Variants in KCNAB2 observed in about 807,000 individuals in gnomAD.
KCNAB2 encodes the protein potassium voltage-gated channel subfamily A regulatory beta subunit 2.
A neutral mutation model predicts 63.6 loss-of-function variants in KCNAB2; 29 were observed. That is an observed-to-expected ratio of 0.46 (90% CI 0.34 to 0.62). The LOEUF (loss-of-function observed/expected upper bound fraction) is 0.62, where lower values mean the gene tolerates loss of function less well. KCNAB2 is among the 20% of genes least tolerant of loss of function. The pLI is 0.01. For missense variants in KCNAB2, 359 were observed against 563.9 expected (o/e 0.64, Z 3.68); for synonymous variants, 222 against 224.2 (o/e 0.99, Z 0.09).
intron 1 of KCNAB2, among the ~76,000 whole-genome samples, chr1:5,996,462 C>T (rs1570805190): frequency 6.6e-6 from 1 of 152,224 alleles, no homozygotes. Context: ...TGCTGGCCAG[C>T]GTCTCAGGAG....
chr1:5,993,007 C>G lies in KCNAB2; in HGVS notation c.-53+219C>G, dbSNP rs566323281. ...TCTCCCTTCCCCCATCCCTTTCTGTCTTTCCTTCCCTGTCCTCCCGCCCGC... is the reference window on the plus strand; with the variant it reads ...TCTCCCTTCCCCCATCCCTTTCTGTGTTTCCTTCCCTGTCCTCCCGCCCGC... On this transcript the variant is annotated intron_variant, in intron 1 of 16. Coordinates refer to the KCNAB2 transcript ENST00000341524. 1.9e-4 allele frequency among the ~76,000 whole-genome samples: 29 copies of G among 151,992 alleles called. No homozygotes were observed. In the South Asian group the frequency reaches 5.8e-3, roughly 31 times the overall value.
rs11810700 is a variant in KCNAB2 at position 6,054,561 on chromosome 1, C to T, written c.218+2807C>T. ...AGGAGAATCACTTGAACCTGGGAGGCGGAGGTTGCAGTGAGCCAAGATGGA... is the reference window on the plus strand; with the variant it reads ...AGGAGAATCACTTGAACCTGGGAGGTGGAGGTTGCAGTGAGCCAAGATGGA... On this transcript the variant is annotated intron_variant, in intron 2 of 15. Coordinates refer to ENST00000378083, the MANE Select transcript of KCNAB2 (RefSeq NM_001199862.2). Among the ~76,000 whole-genome samples, 782 of 152,186 alleles carry T rather than the reference C, an allele frequency of 5.1e-3. 2 individuals carry two copies. Among genetic ancestry groups the T allele is most frequent in the African/African-American group, 0.018 (742 of 41,514 alleles).
Position 6,098,582 on chromosome 1 carries a change from C to G in KCNAB2, c.*8C>G, listed in dbSNP as rs1172853570. On this transcript the variant is annotated 3_prime_UTR_variant, in exon 16 of 16. Transcript: ENST00000378083. The stretch of plus-strand genomic sequence containing the variant: ...AAGGACTACAGATCCTAAGCCGCCC[C>G]CGCCCGCCTGCTCGGACAGTTTCCG... 2 of 1,613,150 alleles carry G rather than the reference C, an allele frequency of 1.2e-6. No individual in the cohort carries two copies. Among genetic ancestry groups the G allele is most frequent in the Non-Finnish European group, 1.7e-6 (2 of 1,179,680 alleles).
At position 6,099,604 on chromosome 1, in the gene KCNAB2, C is replaced by T. The variant is rs1665899218; in HGVS notation, c.*1030C>T. ...TCTAAAGCCGCCCGCCAGCCCAGGC[C>T]GCTGCTCTGCACCGAGCTGGTGGGC... On this transcript the variant is annotated 3_prime_UTR_variant, in exon 16 of 16. Coordinates refer to ENST00000378083, the MANE Select transcript of KCNAB2 (RefSeq NM_001199862.2). The T allele has an allele frequency of 4.4e-6, 3 of 680,930 alleles. No homozygotes were observed. Among genetic ancestry groups the T allele is most frequent in the Non-Finnish European group, 6.8e-6 (3 of 441,920 alleles). 42.2% of individuals were successfully genotyped at this position (680,930 alleles called of 1,614,324 possible).
In KCNAB2 at chr1:6,078,238, C is replaced by T. The variant is rs746247510; in HGVS notation, c.301-3957C>T. Among the ~76,000 whole-genome samples, 18 of 152,334 alleles carry T rather than the reference C, an allele frequency of 1.2e-4. No homozygotes were observed. The highest frequency in any genetic ancestry group is 3.4e-3 in the Middle Eastern group (1 of 294). ...CTGTCAGTCAAGTCTCCGTCTGTCT[C>T]GTCCTCATAAGGTCACCTGTGATGG... On this transcript the variant is annotated intron_variant, in intron 4 of 15. Coordinates refer to ENST00000378083, the MANE Select transcript of KCNAB2 (RefSeq NM_001199862.2). The surrounding 1 kb of genome is among the most constrained non-coding windows in gnomAD (Gnocchi z 4.2).
exon 1 of KCNAB2, chr1:6,034,452 CTG>C (rs1486744791): frequency 6.6e-6 from 1 of 152,368 alleles, no homozygotes; most frequent in East Asian, 1.9e-4. Flanking sequence ...CAGTTCCCGT[CTG>C]TGGCTGCAGG....
intron 2 of KCNAB2, 148 bp downstream of exon 2, chr1:6,051,902 G>A (rs1436210990): frequency 8.1e-5 from 76 of 941,904 alleles, no homozygotes; most frequent in Non-Finnish European, 9.1e-5. Flanking sequence ...TCAGGAGCTC[G>A]AGACCAGCCT....
chr1:6,073,688 G>C lies in KCNAB2; in HGVS notation c.263-45G>C. ...GTCTGAGCACCGACGGGATAATCTG[G>C]CTTCCTGCCAGGTTCCTAACTTGAG... On this transcript the variant is annotated intron_variant, in intron 3 of 15. Transcript: ENST00000378083. The surrounding 1 kb of genome is among the most constrained non-coding windows in gnomAD (Gnocchi z 5.7). 1 of 1,605,008 alleles carries C rather than the reference G, an allele frequency of 6.2e-7. No individual in the cohort carries two copies. Among genetic ancestry groups the C allele is most frequent in the Non-Finnish European group, 8.5e-7 (1 of 1,171,732 alleles).
intron 2 of KCNAB2, among the ~76,000 whole-genome samples, chr1:6,059,260 A>G (rs190075347): frequency 0.018 from 2,703 of 152,216 alleles, 77 homozygotes; most frequent in Admixed American, 0.086. Flanking sequence ...GTGCAATCAT[A>G]GCTCACTGCA....
upstream of KCNAB2, among the ~76,000 whole-genome samples, chr1:6,044,509 C>T (rs914941128): frequency 6.6e-6 from 1 of 152,122 alleles, no homozygotes; most frequent in African/African-American, 2.4e-5. Context: ...GCACAGAGAA[C>T]AGGAAGTGAC....
chr1:6,087,350 G>C lies in KCNAB2; in HGVS notation c.426-117G>C. On this transcript the variant is annotated intron_variant, in intron 6 of 15. Transcript: ENST00000378083. This position sits in a 1 kb window ranked among gnomAD's most constrained non-coding sequence, Gnocchi z 6.4. ...GAGAAGTGCCCATTTCATGCCCCAG[G>C]CTCCTGGGTGGGAGGGCTTTCAGGA... is the stretch of plus-strand genomic sequence containing the variant. The C allele has an allele frequency of 9.0e-7, 1 of 1,114,624 alleles. No individual in the cohort carries two copies. The highest frequency in any genetic ancestry group is 1.4e-6 in the Non-Finnish European group (1 of 729,002). The allele number at this position is 1,114,624 out of a possible 1,614,324, so 69.0% of individuals were successfully genotyped here.
At position 5,994,414 on chromosome 1, in the gene KCNAB2, T is replaced by C. The variant is rs984221970; in HGVS notation, c.-53+1626T>C. On this transcript the variant is annotated intron_variant, in intron 1 of 16. Coordinates refer to the KCNAB2 transcript ENST00000341524. The surrounding 1 kb of genome is among the most constrained non-coding windows in gnomAD (Gnocchi z 5.4). ...CTAAGAGTGCACTTGGTCCTCCAGG[T>C]CCTGTCATTGTCTCCACGGCCACAC... 4.6e-5 allele frequency among the ~76,000 whole-genome samples: 7 copies of C among 152,248 alleles called. No individual in the cohort carries two copies. The highest frequency in any genetic ancestry group is 1.7e-4 in the African/African-American group (7 of 41,464).
At chr1:6,075,277 C>T (rs1450920221) in intron 4 of KCNAB2, among the ~76,000 whole-genome samples, 6 of 152,204 alleles carry the variant, frequency 3.9e-5, no homozygotes, top group African/African-American at 1.4e-4. Flanking sequence ...TAAAAACAAG[C>T]AGACAGACTA....
In KCNAB2 at chr1:6,009,291, G is replaced by A. The variant is rs368919663; in HGVS notation, c.-53+16503G>A. On this transcript the variant is annotated intron_variant, in intron 1 of 16. Coordinates refer to the KCNAB2 transcript ENST00000341524. ...GGTATGCCCATGGGGGCATCCACCT[G>A]TGCAGAGTGTGGCCTCTCCCCAGCA... is the stretch of plus-strand genomic sequence containing the variant. 1.4e-4 allele frequency among the ~76,000 whole-genome samples: 21 copies of A among 152,364 alleles called. No individual in the cohort carries two copies. The South Asian group carries it at 3.5e-3, about 26-fold the overall frequency.
At chr1:6,098,022 C>A (rs1372104798) in intron 15 of KCNAB2, 2 of 235,996 alleles carry the variant, frequency 8.5e-6, no homozygotes, top group Admixed American at 6.1e-5. Flanking sequence ...GTGGTTGGAT[C>A]CTGGATGTTT....
Position 6,005,420 on chromosome 1 carries a change from AGTTGTGGGTTGTGTG to A in KCNAB2, c.-53+12633_-53+12647del, listed in dbSNP as rs1557922505. On this transcript the variant is annotated intron_variant, in intron 1 of 16. Transcript: ENST00000341524. ...GAGCTGAGCTGAGGGGTGGGGGTGGAGTTGTGGGTTGTGTGAGCTGAGCTGAGGGGTGAGGGTGGA... is the reference window on the plus strand; with the variant it reads ...GAGCTGAGCTGAGGGGTGGGGGTGGAAGCTGAGCTGAGGGGTGAGGGTGGA... Among the ~76,000 whole-genome samples, 137 of 76,018 alleles carry A rather than the reference AGTTGTGGGTTGTGTG, an allele frequency of 1.8e-3. 22 individuals are homozygous for A. Among genetic ancestry groups the A allele is most frequent in the South Asian group, 3.7e-3 (8 of 2,176 alleles). 49.9% of individuals were successfully genotyped at this position (76,018 alleles called of 152,430 possible).
At chr1:6,000,074 C>CT (rs879287475) in intron 1 of KCNAB2, among the ~76,000 whole-genome samples, 2 of 152,062 alleles carry the variant, frequency 1.3e-5, no homozygotes, top group Non-Finnish European at 2.9e-5. Flanking sequence ...CACACCCTGC[C>CT]TGCACTCTGT....
rs543618881 is a variant in KCNAB2, at chr1:6,028,362, C to A, written c.-52-12155C>A. ...GGCTCTGGCACGCAGAACAAGCAGA[C>A]CATGGTTTTGTGTTATACAGTAGTC... On this transcript the variant is annotated intron_variant, in intron 1 of 16. Coordinates refer to the KCNAB2 transcript ENST00000341524. The surrounding 1 kb of genome is among the most constrained non-coding windows in gnomAD (Gnocchi z 4.0). Among the ~76,000 whole-genome samples the A allele has an allele frequency of 3.7e-4, 56 of 152,320 alleles. No individual in the cohort carries two copies. The highest frequency in any genetic ancestry group is 7.8e-4 in the Non-Finnish European group (53 of 68,038).
chr1:6,002,069 C>A (rs1367110759), intron 1 of KCNAB2, among the ~76,000 whole-genome samples: 3 of 152,244 alleles, frequency 2.0e-5, no homozygotes, highest in Non-Finnish European at 4.4e-5. Flanking sequence ...TGTCCCCCAG[C>A]TCAGCCTGAC....
Sources: allele counts gnomAD v4.1 joint callset (sites outside exome capture counted in the v4.1 genomes callset), GRCh38; gene constraint gnomAD v4.1.1; non-coding constraint Gnocchi (gnomAD v3.1); transcripts MANE v1.5; gene names NCBI Gene and HGNC (gene_info 2026-07-23, HGNC 2026-07-21).